PDCD6IP: variants seen among roughly 807,000 people sequenced by gnomAD.
PDCD6IP encodes programmed cell death 6 interacting protein, also known as programmed cell death 6-interacting protein.
Under a neutral mutation model 103.7 loss-of-function variants are expected in PDCD6IP, and 43 were observed. The observed-to-expected ratio is 0.41, with a 90% CI of 0.32 to 0.53. The LOEUF is 0.53. PDCD6IP is among the 20% of genes least tolerant of loss of function. PDCD6IP has a pLI of 0.16. For missense variants in PDCD6IP, 871 were observed against 1,036.7 expected (o/e 0.84, Z 2.20); for synonymous variants, 354 against 378.7 (o/e 0.93, Z 0.76).
At chr3:33,800,180 A>T (rs1200532567) in intron 1 of PDCD6IP, among the ~76,000 whole-genome samples, 1 of 150,618 alleles carries the variant, frequency 6.6e-6, no homozygotes, top group Non-Finnish European at 1.5e-5. Context: ...AAGTCTAGGG[A>T]TATTCCTTCC....
intron 1 of PDCD6IP, among the ~76,000 whole-genome samples, chr3:33,805,678 C>A (rs1696579891): frequency 6.6e-6 from 1 of 150,870 alleles, no homozygotes; most frequent in Non-Finnish European, 1.5e-5. Flanking sequence ...TCTTGGCCTC[C>A]CAAGTGCTGG....
At chr3:33,826,152 T>C (rs537822564) in intron 5 of PDCD6IP, among the ~76,000 whole-genome samples, 1 of 152,300 alleles carries the variant, frequency 6.6e-6, no homozygotes, top group Non-Finnish European at 1.5e-5. Flanking sequence ...AGAATTTATA[T>C]ACACTCAAGT....
chr3:33,825,194 G>T lies in PDCD6IP; in HGVS notation c.470G>T (p.Ser157Ile). 6.2e-7 allele frequency: 1 copy of T among 1,607,880 alleles called. No homozygotes were observed. The highest frequency in any genetic ancestry group is 8.5e-7 in the Non-Finnish European group (1 of 1,178,624). The change falls in exon 5 of 18, where the codon AGT becomes ATT. Residue 157 changes from serine to isoleucine, a missense_variant. Around this residue, in one of 5 missense-constraint regions of PDCD6IP, gnomAD observed 242 missense variants for 250.7 expected, o/e 0.97. Transcript: ENST00000307296. ...KIAAKHYQFA[S>I]GAFLHIKETV... ...TCTTTTTCCCCCCTTTAGTTTGCTAGTGGTGCCTTTTTACATATTAAAGAG... is the reference window on the plus strand; with the variant it reads ...TCTTTTTCCCCCCTTTAGTTTGCTATTGGTGCCTTTTTACATATTAAAGAG...
chr3:33,805,549 A>C (rs1696575554), intron 1 of PDCD6IP, among the ~76,000 whole-genome samples: 2 of 150,904 alleles, frequency 1.3e-5, no homozygotes, highest in South Asian at 4.2e-4. Context: ...ATCCTACTTC[A>C]ACCTCCCAAG....
At position 33,866,309 on chromosome 3, in the gene PDCD6IP, A is replaced by G. The variant is rs776233423; in HGVS notation, c.2433-42A>G. The G allele has an allele frequency of 5.0e-6, 6 of 1,191,474 alleles. No homozygotes were observed. The Admixed American group carries it at 1.6e-4, about 32-fold the overall frequency. The allele number at this position is 1,191,474 out of a possible 1,614,324, so 73.8% of individuals were successfully genotyped here. On this transcript the variant is annotated intron_variant, in intron 17 of 17. Coordinates refer to ENST00000307296, the MANE Select transcript of PDCD6IP (RefSeq NM_013374.6). ...AATGATTATTGTTTTATTTTTTAGT[A>G]TTTGATTTACCAATCAAGATTTTTC...
At chr3:33,806,946 TC>T (rs1470086832) in intron 1 of PDCD6IP, among the ~76,000 whole-genome samples, 3 of 152,230 alleles carry the variant, frequency 2.0e-5, no homozygotes, top group Non-Finnish European at 4.4e-5. Flanking sequence ...TCCATGCTGA[TC>T]AGACATTGTT....
chr3:33,868,429 C>G lies in PDCD6IP; in HGVS notation c.*1904C>G, dbSNP rs1012364864. 4 of 152,550 alleles carry G rather than the reference C, an allele frequency of 2.6e-5. No homozygotes were observed. Among genetic ancestry groups the G allele is most frequent in the Non-Finnish European group, 5.9e-5 (4 of 68,108 alleles). The allele number at this position is 152,550 out of a possible 1,614,324, so 9.4% of individuals were successfully genotyped here. The stretch of plus-strand genomic sequence containing the variant: ...GCCCATTCCCCATGCTGGGCCTGCT[C>G]ACAGAGCCACAGGAAGATCATTCAG... On this transcript the variant is annotated 3_prime_UTR_variant, in exon 18 of 18. Coordinates refer to ENST00000307296, the MANE Select transcript of PDCD6IP (RefSeq NM_013374.6).
chr3:33,831,234 C>T (rs1164114043), intron 7 of PDCD6IP, among the ~76,000 whole-genome samples: 2 of 119,426 alleles, frequency 1.7e-5, no homozygotes, highest in African/African-American at 6.0e-5. Flanking sequence ...GATACAGAAA[C>T]ACACACACAC....
chr3:33,866,277 G>C lies in PDCD6IP; in HGVS notation c.2433-74G>C. 3.0e-6 allele frequency: 3 copies of C among 992,438 alleles called. No individual in the cohort carries two copies. The African/African-American group carries it at 5.0e-5, about 17-fold the overall frequency. The allele number at this position is 992,438 out of a possible 1,614,324, so 61.5% of individuals were successfully genotyped here. ...AGAAATGACTTTCATGAAAAACGTA[G>C]TTCTAGAATGATTATTGTTTTATTT... On this transcript the variant is annotated intron_variant, in intron 17 of 17. Transcript: ENST00000307296.
At position 33,853,864 on chromosome 3, in the gene PDCD6IP, C is replaced by T; in HGVS notation, c.1891-15C>T. The T allele has an allele frequency of 7.0e-7, 1 of 1,423,016 alleles. No individual in the cohort carries two copies. Among genetic ancestry groups the T allele is most frequent in the Non-Finnish European group, 9.2e-7 (1 of 1,081,208 alleles). 88.1% of individuals were successfully genotyped at this position (1,423,016 alleles called of 1,614,324 possible). A position where few individuals can be genotyped will look rare whatever the true frequency, so the allele number is the denominator to read the frequency against. ...TATAAATAAATGTAAATATGTAAAT[C>T]TTTCTTTTAACAAGGTCTCACATCA... On this transcript the variant is annotated splice_polypyrimidine_tract_variant and intron_variant, in intron 13 of 17. Transcript: ENST00000307296.
chr3:33,832,716 C>T (rs1219529870), intron 7 of PDCD6IP, among the ~76,000 whole-genome samples: 2 of 152,092 alleles, frequency 1.3e-5, no homozygotes, highest in East Asian at 1.9e-4. Flanking sequence ...ACTTGTTTAT[C>T]TGTTCATACT....
At chr3:33,849,576 G>C (rs1267012938) in intron 12 of PDCD6IP, among the ~76,000 whole-genome samples, 3 of 152,148 alleles carry the variant, frequency 2.0e-5, no homozygotes, top group Non-Finnish European at 4.4e-5. Context: ...TTAATAAAGG[G>C]ATACATTTAA....
intron 7 of PDCD6IP, among the ~76,000 whole-genome samples, chr3:33,832,653 C>A (rs1697267434): frequency 6.6e-6 from 1 of 152,150 alleles, no homozygotes; most frequent in African/African-American, 2.4e-5. Context: ...CTTTATCACA[C>A]ATTAGATTCA....
chr3:33,835,997 A>T, intron 7 of PDCD6IP, 47 bp from the exon 8 acceptor site: 13 of 1,044,178 alleles, frequency 1.2e-5, no homozygotes, highest in Non-Finnish European at 1.6e-5. Context: ...GAGAAATAAA[A>T]TCACCTCCCT....
chr3:33,835,427 A>G (rs918337684), intron 7 of PDCD6IP: 1 of 414,502 alleles, frequency 2.4e-6, no homozygotes, highest in Admixed American at 2.7e-5. Context: ...GAAATAACCC[A>G]ACAGCCAGAC....
chr3:33,828,103 A>G (rs1309973265), intron 6 of PDCD6IP: 3 of 152,144 alleles, frequency 2.0e-5, no homozygotes, highest in African/African-American at 7.2e-5. Flanking sequence ...AAGAGCCACC[A>G]CTAGTATAAT....
chr3:33,809,177 A>G (rs1046494121), intron 1 of PDCD6IP, among the ~76,000 whole-genome samples: 1 of 152,054 alleles, frequency 6.6e-6, no homozygotes, highest in Admixed American at 6.6e-5. Flanking sequence ...TGTCTTCTAT[A>G]TAATATTTTT....
intron 3 of PDCD6IP, among the ~76,000 whole-genome samples, chr3:33,815,898 G>A (rs1696839436): frequency 6.6e-6 from 1 of 152,146 alleles, no homozygotes; most frequent in Non-Finnish European, 1.5e-5. Flanking sequence ...ATTCCTTCTG[G>A]CAGATAATTG....
chr3:33,854,043 C>G (rs1336684512), intron 14 of PDCD6IP, 30 bp downstream of exon 14: 8 of 1,549,782 alleles, frequency 5.2e-6, no homozygotes, highest in Non-Finnish European at 5.2e-6. Context: ...GGAACCATAG[C>G]TAGCAAGTAC....
Sources: gnomAD v4.1 joint callset for allele counts (sites outside exome capture counted in the v4.1 genomes callset) on GRCh38, gnomAD v4.1.1 for gene constraint, gnomAD v4.1.1 regional missense constraint, MANE v1.5 for transcripts, NCBI Gene and HGNC (gene_info 2026-07-23, HGNC 2026-07-21) for gene names.